NPIPB6: variants seen among roughly 807,000 people sequenced by gnomAD.
NPIPB6 encodes the protein nuclear pore complex interacting protein family member B6, also known as nuclear pore complex-interacting protein family member B6.
Under a neutral mutation model 20.0 loss-of-function variants are expected in NPIPB6, and 2 were observed. The observed-to-expected ratio is 0.10, with a 90% CI of 0.04 to 0.31. The LOEUF is 0.31. Among genes scored for constraint, NPIPB6 ranks in the 10% least tolerant of loss-of-function variants. The pLI is 1.00. For synonymous variants in NPIPB6, 35 were observed against 116.3 expected (o/e 0.30, Z 4.50); for missense variants, 96 against 293.7 (o/e 0.33, Z 4.92).
chr16:28,342,831 C>A, exon 7 of NPIPB6: 1 of 1,569,026 alleles, frequency 6.4e-7, no homozygotes, highest in Non-Finnish European at 8.6e-7. Context: ...TCCACCTCGG[C>A]CTCCTGAGTA....
intron 4 of NPIPB6, among the ~76,000 whole-genome samples, chr16:28,346,406 C>A (rs1384373850): frequency 2.6e-5 from 3 of 116,174 alleles, no homozygotes; most frequent in African/African-American, 9.0e-5. Context: ...ATTAACCCCG[C>A]AGTTCACTAC....
chr16:28,360,700 C>CAA (rs1451833122), intron 1 of NPIPB6, among the ~76,000 whole-genome samples: 1 of 136,902 alleles, frequency 7.3e-6, no homozygotes, highest in Non-Finnish European at 1.7e-5. Context: ...TTTGCTTTGA[C>CAA]CCAAGAGATG....
chr16:28,342,829 G>C (rs771045206), exon 7 of NPIPB6: 2 of 1,568,588 alleles, frequency 1.3e-6, no homozygotes, highest in Non-Finnish European at 1.7e-6. Flanking sequence ...TTTCCACCTC[G>C]GCCTCCTGAG....
chr16:28,348,078 C>G (rs1490949205), intron 4 of NPIPB6, among the ~76,000 whole-genome samples: 3 of 111,856 alleles, frequency 2.7e-5, no homozygotes, highest in African/African-American at 9.3e-5. Flanking sequence ...CCACTGCACT[C>G]TAGCCTGGGT....
At chr16:28,349,547 TCA>T (rs71225064) in intron 2 of NPIPB6, among the ~76,000 whole-genome samples, 10,299 of 57,248 alleles carry the variant, frequency 0.18, 361 homozygotes, top group Non-Finnish European at 0.22. Flanking sequence ...TGAGACTCTG[TCA>T]CACACACACA....
rs554173419 is a variant in NPIPB6 at position 28,343,175 on chromosome 16, G to A, written c.710C>T (p.Ala237Val). 559 of 1,585,364 alleles carry A rather than the reference G, an allele frequency of 3.5e-4. 1 individual carries two copies. The African/African-American group carries it at 6.6e-3, about 19-fold the overall frequency. Residue 237 changes from alanine (A) to valine (V), a missense_variant, in exon 7 of 7, where the codon GCA becomes GTA. Ala to Val is a moderately conservative substitution (Grantham distance 64, BLOSUM62 0). Coordinates refer to ENST00000532254, the Ensembl canonical transcript of NPIPB6. Reference sequence around the variant, plus strand: ...TCCTGAAGAATGACGATGCTCCGCTGCCACCATTCTGACCTGTAGGGCCAA... The same window carrying A: ...TCCTGAAGAATGACGATGCTCCGCTACCACCATTCTGACCTGTAGGGCCAA...
At chr16:28,362,832 G>A (rs781170231) in exon 1 of NPIPB6, 4 of 1,548,158 alleles carry the variant, frequency 2.6e-6, no homozygotes, top group South Asian at 2.3e-5. Flanking sequence ...TTTGCAGAAT[G>A]AGAACAGGGG....
At chr16:28,349,889 CA>C (rs1178858068) in intron 2 of NPIPB6, among the ~76,000 whole-genome samples, 817 of 16,870 alleles carry the variant, frequency 0.048, 8 homozygotes, top group African/African-American at 0.062. Context: ...AACTCTGTCT[CA>C]AAAAAAAAAA....
chr16:28,348,035 G>T (rs1275128969), intron 4 of NPIPB6, among the ~76,000 whole-genome samples: 1 of 119,096 alleles, frequency 8.4e-6, no homozygotes, highest in Non-Finnish European at 1.9e-5. Flanking sequence ...ACTTGAACCT[G>T]GGAGGTGGAG....
At chr16:28,359,148 C>A (rs1013198109) in intron 1 of NPIPB6, among the ~76,000 whole-genome samples, 1 of 136,734 alleles carries the variant, frequency 7.3e-6, no homozygotes, top group African/African-American at 2.9e-5. Flanking sequence ...AAGGAGAGAC[C>A]AAGTAAGTGG....
chr16:28,359,092 GAA>G (rs71270623), intron 1 of NPIPB6, among the ~76,000 whole-genome samples: 4 of 86,732 alleles, frequency 4.6e-5, no homozygotes, highest in Admixed American at 2.3e-4. Flanking sequence ...GTCTCAAAAA[GAA>G]AAAAAAAAAA....
chr16:28,359,042 A>G (rs1340863813), intron 1 of NPIPB6, among the ~76,000 whole-genome samples: 1 of 113,880 alleles, frequency 8.8e-6, no homozygotes, highest in Non-Finnish European at 1.8e-5. Context: ...AGATCGTACC[A>G]TTGCACTCCA....
intron 4 of NPIPB6, chr16:28,345,630 ACTCTCTCT>A (rs778396347): frequency 6.9e-5 from 1 of 14,530 alleles, no homozygotes; most frequent in African/African-American, 2.6e-4. Context: ...TGTTTTGTGA[ACTCTCTCT>A]CTCTCTCTCA....
At chr16:28,361,730 ATGTGTG>A (rs750956017) in intron 1 of NPIPB6, among the ~76,000 whole-genome samples, 108 of 100,798 alleles carry the variant, frequency 1.1e-3, no homozygotes, top group African/African-American at 1.4e-3. Context: ...CTCTCTCTAT[ATGTGTG>A]TGTGTGTGTG....
chr16:28,347,204 G>GA (rs1270939106), intron 4 of NPIPB6, among the ~76,000 whole-genome samples: 2 of 92,622 alleles, frequency 2.2e-5, no homozygotes, highest in African/African-American at 6.3e-5. Context: ...AACCCAGGAC[G>GA]AAAGTCAGCC....
At chr16:28,361,699 C>G (rs879277616) in intron 1 of NPIPB6, among the ~76,000 whole-genome samples, 804 of 146,778 alleles carry the variant, frequency 5.5e-3, no homozygotes, top group Non-Finnish European at 9.6e-3. Flanking sequence ...CCAGCCTGGG[C>G]GACAGAGTGA....
chr16:28,360,448 T>C (rs1408949189), intron 1 of NPIPB6, among the ~76,000 whole-genome samples: 2 of 130,954 alleles, frequency 1.5e-5, no homozygotes, highest in Non-Finnish European at 3.5e-5. Context: ...TTCTGAAGTC[T>C]ACTCTGTTTC....
chr16:28,343,253 A>C (rs1338174502), intron 6 of NPIPB6, 65 bp from the exon 8 acceptor site: 1 of 1,137,538 alleles, frequency 8.8e-7, no homozygotes, highest in African/African-American at 1.5e-5. Context: ...TACCACCACC[A>C]ACACAGTCTG....
At chr16:28,360,332 C>A (rs1416486189) in intron 1 of NPIPB6, among the ~76,000 whole-genome samples, 1 of 129,898 alleles carries the variant, frequency 7.7e-6, no homozygotes, top group Non-Finnish European at 1.8e-5. Flanking sequence ...TGTTCCCATC[C>A]TCAAAACTAT....
Sources: gnomAD v4.1 joint callset for allele counts (sites outside exome capture counted in the v4.1 genomes callset) on GRCh38, gnomAD v4.1.1 for gene constraint, MANE v1.5 for transcripts, NCBI Gene and HGNC (gene_info 2026-07-23, HGNC 2026-07-21) for gene names.